Variants in TNRC18 observed in about 807,000 individuals in gnomAD.
TNRC18 encodes trinucleotide repeat-containing gene 18 protein.
Under a neutral mutation model 226.7 loss-of-function variants are expected in TNRC18, and 69 were observed. The observed-to-expected ratio is 0.30, with a 90% CI of 0.25 to 0.37. TNRC18 has a LOEUF of 0.37. Ranked by LOEUF, TNRC18 falls within the 10% of genes least tolerant of loss-of-function variation. TNRC18 has a pLI of 1.00. For synonymous variants in TNRC18, 2,449 were observed against 1,927.6 expected, an observed-to-expected ratio of 1.27 and a Z score of -7.09; for missense variants, 4,754 against 4,256.6, an observed-to-expected ratio of 1.12 and a Z score of -3.25.
chr7:5,382,936 C>T (rs1300527163), intron 5 of TNRC18, among the ~76,000 whole-genome samples: 2 of 152,210 alleles, frequency 1.3e-5, no homozygotes, highest in Non-Finnish European at 2.9e-5. Context: ...CTTACTCTGC[C>T]ACCCAGGTTG....
intron 1 of TNRC18, among the ~76,000 whole-genome samples, chr7:5,421,836 T>C (rs1421738662): frequency 6.6e-6 from 1 of 152,216 alleles, no homozygotes; most frequent in Non-Finnish European, 1.5e-5. Context: ...AAACCTCCTA[T>C]TTTATTCCTA....
intron 19 of TNRC18, among the ~76,000 whole-genome samples, chr7:5,328,349 C>G (rs1245503462): frequency 1.3e-5 from 2 of 152,074 alleles, no homozygotes; most frequent in Non-Finnish European, 2.9e-5. Flanking sequence ...ATAAGGAGAC[C>G]CCACCCCATC....
Position 5,374,194 on chromosome 7 carries a change from G to GT in TNRC18, c.3089dup (p.His1030GlnfsTer84). 2 of 1,420,038 alleles carry GT rather than the reference G, an allele frequency of 1.4e-6. No individual in the cohort carries two copies. Among genetic ancestry groups the GT allele is most frequent in the Non-Finnish European group, 1.8e-6 (2 of 1,087,192 alleles). 88.0% of individuals were successfully genotyped at this position (1,420,038 alleles called of 1,614,324 possible). On this transcript the variant is annotated frameshift_variant, in exon 10 of 30. Transcript: ENST00000430969. LOFTEE classifies it high-confidence loss of function. The stretch of plus-strand genomic sequence containing the variant: ...GGGAGGCGGGCGGCGGGCTGGTGGG[G>GT]TGGGAGCTGGGGGTGGCGGGGTAGG...
At chr7:5,330,591 C>T (rs1421031678) in intron 19 of TNRC18, among the ~76,000 whole-genome samples, 1 of 151,878 alleles carries the variant, frequency 6.6e-6, no homozygotes, top group Non-Finnish European at 1.5e-5. Flanking sequence ...TAGGAGAAAC[C>T]CACTTCACAC....
intron 21 of TNRC18, 66 bp from the exon 22 acceptor site, chr7:5,321,256 C>T (rs1182616289): frequency 1.7e-6 from 2 of 1,197,890 alleles, no homozygotes; most frequent in Non-Finnish European, 2.4e-6. Flanking sequence ...TCCCTCCTCC[C>T]GTTACCCCCA....
chr7:5,389,461 G>GTTTTTTTTTTTTTTTTTTTT lies in TNRC18; in HGVS notation c.488-126_488-125insAAAAAAAAAAAAAAAAAAAA, dbSNP rs754143983. On this transcript the variant is annotated intron_variant, in intron 4 of 29. Coordinates refer to ENST00000430969, the MANE Select transcript of TNRC18 (RefSeq NM_001080495.3). ...TGCCTCCCCCAGTGTTTTGGTTTTG[G>GTTTTTTTTTTTTTTTTTTTT]TTTTTTTTTTCAGAAAGAGTCTCGC... 9 of 565,546 alleles carry GTTTTTTTTTTTTTTTTTTTT rather than the reference G, an allele frequency of 1.6e-5. No individual in the cohort carries two copies. The African/African-American group carries it at 1.6e-4, about 10-fold the overall frequency. 35.0% of individuals were successfully genotyped at this position (565,546 alleles called of 1,614,324 possible). A position where few individuals can be genotyped will look rare whatever the true frequency, so the allele number is the denominator to read the frequency against.
At chr7:5,399,326 T>G (rs1213068827) in intron 2 of TNRC18, among the ~76,000 whole-genome samples, 1 of 152,216 alleles carries the variant, frequency 6.6e-6, no homozygotes. Context: ...GCTCAAGACC[T>G]GGCTCCCCAA....
chr7:5,387,662 C>T lies in TNRC18; in HGVS notation c.2152+10G>A. On this transcript the variant is annotated intron_variant, in intron 5 of 29. Transcript: ENST00000430969. ...ATCCTACCCGCACCTGGGCTCTGCC[C>T]AGGACCTACCTTTGACGTTACTCAG... The T allele has an allele frequency of 1.9e-6, 3 of 1,602,548 alleles. No homozygotes were observed. Among genetic ancestry groups the T allele is most frequent in the Non-Finnish European group, 2.5e-6 (3 of 1,179,806 alleles).
In TNRC18 at chr7:5,307,579, G is replaced by A; in HGVS notation, c.*527C>T. 1 of 448,376 alleles carries A rather than the reference G, an allele frequency of 2.2e-6. No individual in the cohort carries two copies. Among genetic ancestry groups the A allele is most frequent in the South Asian group, 1.6e-5 (1 of 63,290 alleles). 27.8% of individuals were successfully genotyped at this position (448,376 alleles called of 1,614,324 possible). A position where few individuals can be genotyped will look rare whatever the true frequency, so the allele number is the denominator to read the frequency against. On this transcript the variant is annotated 3_prime_UTR_variant, in exon 30 of 30. Transcript: ENST00000430969. ...TCTAGGCCATCCTGAGAGGGTGGGGGCAGGGCCCCTGGCACAGTCAGGTAG... is the reference window on the plus strand; with the variant it reads ...TCTAGGCCATCCTGAGAGGGTGGGGACAGGGCCCCTGGCACAGTCAGGTAG...
intron 19 of TNRC18, among the ~76,000 whole-genome samples, chr7:5,328,385 TAGTC>T (rs1240697591): frequency 6.6e-6 from 1 of 151,694 alleles, no homozygotes. Context: ...TTTTTTTAAT[TAGTC>T]AGACGTGGTG....
chr7:5,349,788 T>G (rs1269119815), intron 17 of TNRC18, among the ~76,000 whole-genome samples: 1 of 152,060 alleles, frequency 6.6e-6, no homozygotes, highest in Non-Finnish European at 1.5e-5. Flanking sequence ...GAAGCAGACA[T>G]ACTAGAAAAG....
Position 5,376,200 on chromosome 7 carries a change from A to G in TNRC18, c.2633T>C (p.Val878Ala). Residue 878 changes from valine (V) to alanine (A), a missense_variant, in exon 9 of 30, where the codon GTA (valine) becomes GCA (alanine). Coordinates refer to ENST00000430969, the MANE Select transcript of TNRC18 (RefSeq NM_001080495.3). ...GTACAGGGCGGGCCAGAGGGGCGGTACGGTGGCCCGCTCCATCAGCTCCGC... is the reference window on the plus strand; with the variant it reads ...GTACAGGGCGGGCCAGAGGGGCGGTGCGGTGGCCCGCTCCATCAGCTCCGC... ...HFAELMERAT[V>A]PPLWPALYPP... The G allele has an allele frequency of 1.3e-6, 2 of 1,521,336 alleles. No homozygotes were observed. Among genetic ancestry groups the G allele is most frequent in the Non-Finnish European group, 1.8e-6 (2 of 1,137,502 alleles). The allele number at this position is 1,521,336 out of a possible 1,614,324, so 94.2% of individuals were successfully genotyped here. A position where few individuals can be genotyped will look rare whatever the true frequency, so the allele number is the denominator to read the frequency against.
At chr7:5,383,846 G>A (rs562257551) in intron 5 of TNRC18, among the ~76,000 whole-genome samples, 9 of 151,884 alleles carry the variant, frequency 5.9e-5, no homozygotes, top group East Asian at 1.9e-4. Context: ...AGACTGGAGC[G>A]CAGTGGTGCA....
rs1006455062 is a variant in TNRC18 at position 5,388,823 on chromosome 7, G to A, written c.1001C>T (p.Pro334Leu). 47 of 1,192,994 alleles carry A rather than the reference G, an allele frequency of 3.9e-5. No homozygotes were observed. The highest frequency in any genetic ancestry group is 3.1e-4 in the African/African-American group (19 of 60,856). 73.9% of individuals were successfully genotyped at this position (1,192,994 alleles called of 1,614,324 possible). Residue 334 changes from proline to leucine, a missense_variant, in exon 5 of 30, where the codon CCG becomes CTG. Physicochemically the swap from Pro to Leu is moderately conservative, Grantham distance 98. Coordinates refer to ENST00000430969, the MANE Select transcript of TNRC18 (RefSeq NM_001080495.3). Reference protein sequence around the residue: ...LLPGPRPCPSPLPPPPAPPKG... With the variant: ...LLPGPRPCPSLLPPPPAPPKG... The stretch of plus-strand genomic sequence containing the variant: ...GGGGGGCGCGGGCGGCGGGGGCAGC[G>A]GTGAGGGGCAGGGGCGCGGCCCAGG...
rs1437432375 is a variant in TNRC18 at position 5,421,052 on chromosome 7, G to A, written c.187+8C>T. The A allele has an allele frequency of 3.3e-6, 5 of 1,523,158 alleles. No individual in the cohort carries two copies. The highest frequency in any genetic ancestry group is 4.4e-6 in the Non-Finnish European group (5 of 1,126,030). 94.4% of individuals were successfully genotyped at this position (1,523,158 alleles called of 1,614,324 possible). A position where few individuals can be genotyped will look rare whatever the true frequency, so the allele number is the denominator to read the frequency against. On this transcript the variant is annotated splice_region_variant and intron_variant, in intron 2 of 29. Coordinates refer to ENST00000430969, the MANE Select transcript of TNRC18 (RefSeq NM_001080495.3). ...CAGGAGGGGACGGGCACGGCGCGGG[G>A]CACTTACCCGGGTGCGGATGGAGAT... is the stretch of plus-strand genomic sequence containing the variant.
chr7:5,310,975 CATGCACGTGCATGG>C (rs975527135), intron 27 of TNRC18, among the ~76,000 whole-genome samples: 3 of 152,198 alleles, frequency 2.0e-5, no homozygotes, highest in African/African-American at 7.2e-5. Context: ...TACTCGTGTG[CATGCACGTGCATGG>C]ATGCACGTGC....
chr7:5,406,296 CTACAAAAAA>C (rs1781458636), intron 2 of TNRC18, among the ~76,000 whole-genome samples: 1 of 151,854 alleles, frequency 6.6e-6, no homozygotes. Flanking sequence ...AATCCCATCT[CTACAAAAAA>C]TACAAAAAAT....
At chr7:5,334,292 A>G (rs1299404988) in intron 18 of TNRC18, among the ~76,000 whole-genome samples, 1 of 130,522 alleles carries the variant, frequency 7.7e-6, no homozygotes, top group African/African-American at 2.6e-5. Context: ...AATCCTATTA[A>G]TTAACTTTTT....
rs1265871325 is a variant in TNRC18, at chr7:5,415,195, GCT to G, written c.187+5863_187+5864del. On this transcript the variant is annotated intron_variant, in intron 2 of 29. Coordinates refer to ENST00000430969, the MANE Select transcript of TNRC18 (RefSeq NM_001080495.3). The stretch of plus-strand genomic sequence containing the variant: ...CATTCTGCCAGCTCAGATACGCCAG[GCT>G]CTGACTTTTGTGTTCCGTCCACCTT... Among the ~76,000 whole-genome samples, 3 of 151,952 alleles carry G rather than the reference GCT, an allele frequency of 2.0e-5. 1 individual carries two copies. The highest frequency in any genetic ancestry group is 2.0e-4 in the Admixed American group (3 of 15,244).
Sources: allele counts gnomAD v4.1 joint callset (sites outside exome capture counted in the v4.1 genomes callset), GRCh38; gene constraint gnomAD v4.1.1; transcripts MANE v1.5; gene names NCBI Gene and HGNC (gene_info 2026-07-23, HGNC 2026-07-21).